The following SLC14A2 variants were observed in gnomAD, a reference collection of about 807,000 sequenced individuals.
SLC14A2 encodes solute carrier family 14 member 2.
Under a neutral mutation model 104.6 loss-of-function variants are expected in SLC14A2, and 91 were observed. The ratio of observed to expected loss-of-function variants is 0.87; its 90% confidence interval spans 0.73 to 1.04. The LOEUF (loss-of-function observed/expected upper bound fraction) is 1.04, where lower values mean the gene tolerates loss of function less well. SLC14A2 is among the 50% of genes least tolerant of loss of function. The pLI is 0.00. For missense variants in SLC14A2, 1,189 were observed against 1,156.0 expected, an observed-to-expected ratio of 1.03 and a Z score of -0.41; for synonymous variants, 476 against 466.4, an observed-to-expected ratio of 1.02 and a Z score of -0.27.
intron 2 of SLC14A2, among the ~76,000 whole-genome samples, chr18:45,566,988 C>A (rs1026318224): frequency 1.3e-5 from 2 of 151,776 alleles, no homozygotes; most frequent in Non-Finnish European, 2.9e-5. Flanking sequence ...GAGCTGAGGA[C>A]TTCAGGACAT....
chr18:45,640,246 A>G (rs749781108), intron 7 of SLC14A2, among the ~76,000 whole-genome samples: 3 of 151,858 alleles, frequency 2.0e-5, no homozygotes, highest in Non-Finnish European at 4.4e-5. Flanking sequence ...ACCTCACTCC[A>G]GCCTGGGAAA....
At chr18:45,372,865 A>G (rs2085737720) in intron 1 of SLC14A2, among the ~76,000 whole-genome samples, 1 of 152,252 alleles carries the variant, frequency 6.6e-6, no homozygotes, top group South Asian at 2.1e-4. Context: ...TATGTATATA[A>G]TGTTATTTCA....
chr18:45,202,405 T>C, the SLC14A2 span, among the ~76,000 whole-genome samples: 1 of 152,196 alleles, frequency 6.6e-6, no homozygotes, highest in Non-Finnish European at 1.5e-5. Context: ...GGACCAATTA[T>C]GTGATGTTCA....
At chr18:45,370,047 A>C (rs1309466122) in intron 1 of SLC14A2, among the ~76,000 whole-genome samples, 1 of 152,172 alleles carries the variant, frequency 6.6e-6, no homozygotes, top group Non-Finnish European at 1.5e-5. Context: ...TTCTCTAACC[A>C]ACACTGAGGA....
Position 45,496,654 on chromosome 18 carries a change from G to T in SLC14A2, c.-35+13332G>T, listed in dbSNP as rs528864735. On this transcript the variant is annotated intron_variant, in intron 2 of 20. Transcript: ENST00000586448. ...AAAAATTAGCCAGGCATGGTGGCAG[G>T]TGCCTGTAAACCCAGCTACTGCAGA... 3.7e-3 allele frequency among the ~76,000 whole-genome samples: 564 copies of T among 152,278 alleles called. 2 individuals carry two copies. Among genetic ancestry groups the T allele is most frequent in the Non-Finnish European group, 5.5e-3 (375 of 68,018 alleles).
chr18:45,681,972 G>T (rs1467395034), intron 19 of SLC14A2, among the ~76,000 whole-genome samples: 3 of 152,170 alleles, frequency 2.0e-5, no homozygotes, highest in Admixed American at 1.3e-4. Context: ...GAAGACACAG[G>T]ATGACCATAG....
At chr18:45,183,996 C>A in the SLC14A2 span, among the ~76,000 whole-genome samples, 2 of 139,804 alleles carry the variant, frequency 1.4e-5, no homozygotes, top group African/African-American at 5.3e-5. Flanking sequence ...TCAAGCAATC[C>A]TCCAATCTCG....
intron 2 of SLC14A2, among the ~76,000 whole-genome samples, chr18:45,533,496 A>G (rs1007610840): frequency 6.6e-6 from 1 of 152,136 alleles, no homozygotes; most frequent in South Asian, 2.1e-4. Flanking sequence ...AGAGGTGTTT[A>G]TAGTATTCTC....
In SLC14A2 at chr18:45,593,179, G is replaced by A. The variant is rs8093245; in HGVS notation, c.-34-31452G>A. ...AAAAATACGAAAAAATTAGCCGGGC[G>A]TGGTGGCGGCGCCTGTAGTCCCAGC... On this transcript the variant is annotated intron_variant, in intron 2 of 20. Transcript: ENST00000586448. Among the ~76,000 whole-genome samples the A allele has an allele frequency of 6.2e-3, 937 of 152,088 alleles. 11 individuals are homozygous for A. The highest frequency in any genetic ancestry group is 0.021 in the African/African-American group (865 of 41,526).
intron 2 of SLC14A2, among the ~76,000 whole-genome samples, chr18:45,581,280 C>A (rs1438074741): frequency 1.3e-5 from 2 of 152,292 alleles, no homozygotes; most frequent in African/African-American, 4.8e-5. Context: ...TTGCACAGGG[C>A]TGCAGGAACA....
chr18:45,607,594 C>T (rs1179454913), intron 2 of SLC14A2, among the ~76,000 whole-genome samples: 1 of 152,180 alleles, frequency 6.6e-6, no homozygotes, highest in Non-Finnish European at 1.5e-5. Context: ...CTAATGTATT[C>T]ATTATCTATC....
At chr18:45,523,525 G>A (rs1380464373) in intron 2 of SLC14A2, among the ~76,000 whole-genome samples, 2 of 144,278 alleles carry the variant, frequency 1.4e-5, no homozygotes, top group Non-Finnish European at 3.0e-5. Flanking sequence ...AAGTAAACAC[G>A]GGGTTTACAC....
At chr18:45,658,201 A>G (rs1259469707) in intron 10 of SLC14A2, among the ~76,000 whole-genome samples, 1 of 152,170 alleles carries the variant, frequency 6.6e-6, no homozygotes, top group African/African-American at 2.4e-5. Flanking sequence ...TCTTGATGGT[A>G]GCCTCTCATG....
chr18:45,392,151 T>C (rs534149845), intron 1 of SLC14A2, among the ~76,000 whole-genome samples: 2 of 152,324 alleles, frequency 1.3e-5, no homozygotes, highest in Admixed American at 6.5e-5. Context: ...CTGTGCTGCA[T>C]TACCTCCTTG....
At chr18:45,521,850 G>A (rs1416034365) in intron 2 of SLC14A2, among the ~76,000 whole-genome samples, 1 of 152,062 alleles carries the variant, frequency 6.6e-6, no homozygotes, top group Non-Finnish European at 1.5e-5. Context: ...GAGGGAGGCA[G>A]GAAGGGGTGT....
intron 1 of SLC14A2, among the ~76,000 whole-genome samples, chr18:45,480,689 C>T (rs1221028387): frequency 1.3e-5 from 2 of 152,206 alleles, no homozygotes; most frequent in Non-Finnish European, 2.9e-5. Flanking sequence ...CTGCCACCTT[C>T]CCCCTCCCCT....
intron 19 of SLC14A2, 55 bp downstream of exon 19, chr18:45,679,079 G>T: frequency 6.5e-7 from 1 of 1,547,776 alleles, no homozygotes; most frequent in Non-Finnish European, 8.8e-7. Flanking sequence ...GTGTCCTCTT[G>T]GCTTCCCCAA....
At chr18:45,603,659 C>T (rs758902441) in intron 2 of SLC14A2, among the ~76,000 whole-genome samples, 2 of 152,170 alleles carry the variant, frequency 1.3e-5, no homozygotes, top group Non-Finnish European at 2.9e-5. Flanking sequence ...CCCTCTCATA[C>T]AGCCCCTCCC....
At chr18:45,200,888 C>G in the SLC14A2 span, among the ~76,000 whole-genome samples, 20 of 152,004 alleles carry the variant, frequency 1.3e-4, no homozygotes, top group African/African-American at 4.8e-4. Flanking sequence ...AATCAATAAA[C>G]AAATCTTGAT....
Sources: gnomAD v4.1 joint callset for allele counts (sites outside exome capture counted in the v4.1 genomes callset) on GRCh38, gnomAD v4.1.1 for gene constraint, MANE v1.5 for transcripts, NCBI Gene and HGNC (gene_info 2026-07-23, HGNC 2026-07-21) for gene names.